Variants in CRTAC1 observed in about 807,000 individuals in gnomAD.
CRTAC1 encodes the protein acidic secreted protein in cartilage.
In CRTAC1, 37 loss-of-function variants were observed where a neutral mutation model predicts 67.8. The ratio of observed to expected loss-of-function variants is 0.55; its 90% CI spans 0.42 to 0.72. CRTAC1 has a LOEUF of 0.72. Ranked by LOEUF, CRTAC1 falls within the 30% of genes least tolerant of loss-of-function variation. The pLI is 0.00. For missense variants in CRTAC1, 780 were observed against 931.6 expected, an observed-to-expected ratio of 0.84 and a Z score of 2.12; for synonymous variants, 348 against 371.0, an observed-to-expected ratio of 0.94 and a Z score of 0.71.
At chr10:97,938,699 C>T (rs2051127133) in intron 2 of CRTAC1, among the ~76,000 whole-genome samples, 1 of 152,172 alleles carries the variant, frequency 6.6e-6, no homozygotes, top group Non-Finnish European at 1.5e-5. Flanking sequence ...GATAGTCTTA[C>T]ATTTCAATAG....
At chr10:98,009,322 A>G (rs1024868463) in intron 2 of CRTAC1, among the ~76,000 whole-genome samples, 2 of 152,216 alleles carry the variant, frequency 1.3e-5, no homozygotes, top group African/African-American at 2.4e-5. Context: ...CAGCACCAAC[A>G]CAGAACATTT....
At chr10:98,001,629 T>C (rs1199088520) in intron 2 of CRTAC1, among the ~76,000 whole-genome samples, 1 of 152,076 alleles carries the variant, frequency 6.6e-6, no homozygotes, top group African/African-American at 2.4e-5. Context: ...GAGATGTCAG[T>C]AAAATACCAG....
At chr10:97,876,945 G>GTTTTTT (rs71007368) in intron 14 of CRTAC1, among the ~76,000 whole-genome samples, 2 of 53,406 alleles carry the variant, frequency 3.7e-5, no homozygotes, top group Admixed American at 3.1e-4. Flanking sequence ...AGGAGGCTCT[G>GTTTTTT]TTTTTTTTTT....
chr10:97,935,448 A>G (rs1375478225), intron 3 of CRTAC1, among the ~76,000 whole-genome samples: 2 of 152,178 alleles, frequency 1.3e-5, no homozygotes. Context: ...CCTGACCCAG[A>G]GGCATCATCA....
chr10:97,873,779 TG>T lies in CRTAC1; in HGVS notation c.1819+6469del, dbSNP rs539910661. 1.6e-4 allele frequency among the ~76,000 whole-genome samples: 25 copies of T among 152,338 alleles called. No individual in the cohort carries two copies. The East Asian group carries it at 4.8e-3, about 29-fold the overall frequency. ...CAGGCAGGCTGAGGGCATGAGGTTC[TG>T]GGCGGGACGTTCTGGGAACGGGTGA... On this transcript the variant is annotated intron_variant, in intron 14 of 14. Coordinates refer to ENST00000370597, the MANE Select transcript of CRTAC1 (RefSeq NM_018058.7).
intron 6 of CRTAC1, among the ~76,000 whole-genome samples, chr10:97,906,350 G>A (rs2050612007): frequency 1.3e-5 from 2 of 152,194 alleles, no homozygotes; most frequent in South Asian, 4.1e-4. Flanking sequence ...CCTTGACAAG[G>A]AGCTGGTTCC....
chr10:98,001,464 G>A (rs574285005), intron 2 of CRTAC1, among the ~76,000 whole-genome samples: 23 of 152,052 alleles, frequency 1.5e-4, no homozygotes, highest in Admixed American at 3.3e-4. Flanking sequence ...ATGATATTAC[G>A]TGTCTCTAGG....
intron 5 of CRTAC1, among the ~76,000 whole-genome samples, chr10:97,916,245 A>G (rs971501923): frequency 6.6e-6 from 1 of 151,942 alleles, no homozygotes; most frequent in African/African-American, 2.4e-5. Context: ...GAAAAAATTG[A>G]CTGTACAAAT....
At chr10:97,876,242 G>A (rs1182348844) in intron 14 of CRTAC1, among the ~76,000 whole-genome samples, 2 of 152,190 alleles carry the variant, frequency 1.3e-5, no homozygotes, top group Non-Finnish European at 2.9e-5. Context: ...GTCTGTCTGG[G>A]CTGTATGACC....
At chr10:97,909,792 T>C (rs1306116127) in intron 5 of CRTAC1, among the ~76,000 whole-genome samples, 2 of 152,100 alleles carry the variant, frequency 1.3e-5, no homozygotes, top group African/African-American at 2.4e-5. Flanking sequence ...AGCCAAGATA[T>C]GGAATGAAGA....
intron 8 of CRTAC1, among the ~76,000 whole-genome samples, chr10:97,898,361 C>G (rs1362655605): frequency 6.6e-6 from 1 of 152,148 alleles, no homozygotes; most frequent in Non-Finnish European, 1.5e-5. Flanking sequence ...TTCGGGCAAT[C>G]AGGGAAGTCT....
intron 2 of CRTAC1, among the ~76,000 whole-genome samples, chr10:97,973,128 A>G (rs997791550): frequency 2.6e-5 from 4 of 152,224 alleles, no homozygotes; most frequent in Non-Finnish European, 5.9e-5. Flanking sequence ...CTAATTTTCC[A>G]TATTTTTAAC....
At chr10:97,879,891 G>A (rs1047860679) in intron 14 of CRTAC1, 10 of 1,193,360 alleles carry the variant, frequency 8.4e-6, no homozygotes, top group Non-Finnish European at 1.2e-5. Flanking sequence ...AGTTTGGGAA[G>A]AAGAAATTAC....
intron 3 of CRTAC1, among the ~76,000 whole-genome samples, chr10:97,928,237 T>C (rs976581166): frequency 2.6e-5 from 4 of 152,080 alleles, no homozygotes; most frequent in African/African-American, 4.8e-5. Context: ...CACCATTTGC[T>C]GCCAGGAGGC....
At chr10:97,943,590 A>G (rs1477885740) in intron 2 of CRTAC1, among the ~76,000 whole-genome samples, 2 of 152,252 alleles carry the variant, frequency 1.3e-5, no homozygotes, top group Non-Finnish European at 2.9e-5. Context: ...AGATACACAA[A>G]GTTTCTGAGA....
intron 8 of CRTAC1, among the ~76,000 whole-genome samples, chr10:97,900,468 A>T (rs139720035): frequency 8.2e-4 from 125 of 151,876 alleles, no homozygotes; most frequent in African/African-American, 2.6e-3. Flanking sequence ...TGTGGTAGTG[A>T]TTGGACCCCA....
chr10:97,927,050 G>A (rs942036328), intron 3 of CRTAC1, among the ~76,000 whole-genome samples: 1 of 152,218 alleles, frequency 6.6e-6, no homozygotes, highest in African/African-American at 2.4e-5. Flanking sequence ...GGGAGAAAAT[G>A]GGTGTGGCAG....
chr10:97,979,646 G>A (rs2051860431), intron 2 of CRTAC1, among the ~76,000 whole-genome samples: 1 of 152,186 alleles, frequency 6.6e-6, no homozygotes, highest in Admixed American at 6.5e-5. Flanking sequence ...ATTTTAATCA[G>A]CTGAGGCAGC....
At chr10:97,985,534 G>T (rs2051966502) in intron 2 of CRTAC1, among the ~76,000 whole-genome samples, 1 of 152,068 alleles carries the variant, frequency 6.6e-6, no homozygotes, top group Non-Finnish European at 1.5e-5. Flanking sequence ...CCTGCTTGCG[G>T]TATGCCTGCT....
Sources: allele counts gnomAD v4.1 joint callset (sites outside exome capture counted in the v4.1 genomes callset), GRCh38; gene constraint gnomAD v4.1.1; transcripts MANE v1.5; gene names NCBI Gene and HGNC (gene_info 2026-07-23, HGNC 2026-07-21).